Variants in RBKS observed in about 807,000 individuals in gnomAD.
RBKS encodes the protein ribokinase.
In RBKS, 33 loss-of-function variants were observed where a neutral mutation model predicts 33.9. The ratio of observed to expected loss-of-function variants is 0.97; its 90% CI spans 0.74 to 1.30. RBKS has a LOEUF of 1.30. RBKS is among the 50% of genes most tolerant of loss of function. The pLI, the probability that RBKS is intolerant of heterozygous loss-of-function variation, is 0.00. For missense variants in RBKS, 361 were observed against 392.6 expected, an observed-to-expected ratio of 0.92 and a Z score of 0.68; for synonymous variants, 125 against 143.0, an observed-to-expected ratio of 0.87 and a Z score of 0.90.
Position 27,832,680 on chromosome 2 carries a change from C to G in RBKS, c.606+6G>C. On this transcript the variant is annotated splice_donor_region_variant and intron_variant, in intron 6 of 7. Coordinates refer to ENST00000302188, the MANE Select transcript of RBKS (RefSeq NM_022128.3). ...TCATAGAATGAGCAAAGCAATTCACCCTTACCTCACTTTCATTGCAGCAGA... is the reference window on the plus strand; with the variant it reads ...TCATAGAATGAGCAAAGCAATTCACGCTTACCTCACTTTCATTGCAGCAGA... 1 of 1,599,042 alleles carries G rather than the reference C, an allele frequency of 6.3e-7. No individual in the cohort carries two copies. The highest frequency in any genetic ancestry group is 8.6e-7 in the Non-Finnish European group (1 of 1,166,490).
At chr2:27,886,186 A>C (rs1388128455) in intron 1 of RBKS, among the ~76,000 whole-genome samples, 6 of 152,254 alleles carry the variant, frequency 3.9e-5, no homozygotes, top group African/African-American at 1.4e-4. Flanking sequence ...ATTACTACAT[A>C]CGACTTACTA....
chr2:27,879,326 T>C (rs1467868233), intron 1 of RBKS, among the ~76,000 whole-genome samples: 1 of 152,188 alleles, frequency 6.6e-6, no homozygotes, highest in East Asian at 1.9e-4. Context: ...TGTTCCCTCC[T>C]AAACTCCTGT....
chr2:27,783,309 T>G (rs1677323754), intron 7 of RBKS, among the ~76,000 whole-genome samples: 2 of 152,166 alleles, frequency 1.3e-5, no homozygotes, highest in South Asian at 2.1e-4. Flanking sequence ...TCCCCCAAGA[T>G]GCTCCAGGGT....
intron 7 of RBKS, among the ~76,000 whole-genome samples, chr2:27,808,998 A>T (rs1193857084): frequency 6.6e-6 from 1 of 152,344 alleles, no homozygotes; most frequent in Non-Finnish European, 1.5e-5. Context: ...ATTTCTTGAT[A>T]ATTTAAAAGA....
chr2:27,823,500 G>A (rs1179482211), intron 7 of RBKS, among the ~76,000 whole-genome samples: 2 of 152,090 alleles, frequency 1.3e-5, no homozygotes, highest in Admixed American at 6.6e-5. Flanking sequence ...GTTACAAACC[G>A]ACTGAGAGCA....
intron 4 of RBKS, among the ~76,000 whole-genome samples, chr2:27,845,938 A>G (rs1663611604): frequency 6.6e-6 from 1 of 152,050 alleles, no homozygotes; most frequent in South Asian, 2.1e-4. Context: ...GGCAGAAATT[A>G]TGAAAACTTG....
At chr2:27,854,233 A>C (rs1378386343) in intron 2 of RBKS, among the ~76,000 whole-genome samples, 1 of 152,248 alleles carries the variant, frequency 6.6e-6, no homozygotes, top group Non-Finnish European at 1.5e-5. Flanking sequence ...CAACGGTTGT[A>C]AAGTTATTCT....
chr2:27,881,707 T>A (rs1196354457), intron 1 of RBKS, among the ~76,000 whole-genome samples: 1 of 152,034 alleles, frequency 6.6e-6, no homozygotes, highest in African/African-American at 2.4e-5. Flanking sequence ...ATGGTACTGG[T>A]ACAAAAACAG....
At chr2:27,791,472 C>T (rs186707701) in intron 7 of RBKS, among the ~76,000 whole-genome samples, 2 of 152,100 alleles carry the variant, frequency 1.3e-5, no homozygotes, top group East Asian at 1.9e-4. Flanking sequence ...ATGTTCTCCC[C>T]TCTCCCTCAG....
chr2:27,790,979 C>T (rs1317031626), intron 7 of RBKS, among the ~76,000 whole-genome samples: 1 of 152,172 alleles, frequency 6.6e-6, no homozygotes, highest in Non-Finnish European at 1.5e-5. Flanking sequence ...TGAATGTTTA[C>T]AGCAGCATTA....
chr2:27,781,877 T>A, intron 7 of RBKS, 89 bp from the exon 8 acceptor site: 1 of 1,179,852 alleles, frequency 8.5e-7, no homozygotes, highest in Non-Finnish European at 1.2e-6. Context: ...GTAAACTTAA[T>A]TTTAGTTTTA....
chr2:27,842,834 T>A (rs1310600809), intron 5 of RBKS, among the ~76,000 whole-genome samples: 1 of 152,114 alleles, frequency 6.6e-6, no homozygotes, highest in African/African-American at 2.4e-5. Flanking sequence ...TTCTGCCAGC[T>A]ACATTGAAGA....
intron 1 of RBKS, among the ~76,000 whole-genome samples, chr2:27,885,312 A>G (rs1246748897): frequency 6.6e-6 from 1 of 152,112 alleles, no homozygotes; most frequent in Non-Finnish European, 1.5e-5. Flanking sequence ...CTGCTTCTGT[A>G]TTTGCCTTCC....
intron 1 of RBKS, among the ~76,000 whole-genome samples, chr2:27,871,616 G>C (rs1368717014): frequency 6.6e-6 from 1 of 152,158 alleles, no homozygotes; most frequent in Non-Finnish European, 1.5e-5. Context: ...TGCAGTGTGA[G>C]AAAGAGGCAT....
At chr2:27,817,972 G>C (rs1261196466) in intron 7 of RBKS, among the ~76,000 whole-genome samples, 1 of 152,074 alleles carries the variant, frequency 6.6e-6, no homozygotes, top group Non-Finnish European at 1.5e-5. Flanking sequence ...ATTTGGGTGG[G>C]GACACAGAGC....
chr2:27,814,661 A>G (rs983286883), intron 7 of RBKS, among the ~76,000 whole-genome samples: 4 of 152,376 alleles, frequency 2.6e-5, no homozygotes, highest in Admixed American at 2.0e-4. Flanking sequence ...CACCTAGCAG[A>G]TGTCACTATA....
intron 1 of RBKS, among the ~76,000 whole-genome samples, chr2:27,877,784 C>A (rs944479312): frequency 1.3e-5 from 2 of 152,152 alleles, no homozygotes; most frequent in Non-Finnish European, 2.9e-5. Flanking sequence ...CTAAATATTT[C>A]TTTAAGCTTT....
At chr2:27,840,364 GCACACA>G (rs70953891) in intron 5 of RBKS, among the ~76,000 whole-genome samples, 1,738 of 130,118 alleles carry the variant, frequency 0.013, 23 homozygotes, top group Non-Finnish European at 0.019. Flanking sequence ...ACGCGCGCGC[GCACACA>G]CACACACACA....
rs1334117910 is a variant in RBKS, at chr2:27,800,115, C to T, written c.796-18327G>A. Reference sequence around the variant, plus strand: ...TCACCCAGGTTGGGTTACAGTGGCGCGATCACGGCTCACTGCAGCCTCAAC... The same window carrying T: ...TCACCCAGGTTGGGTTACAGTGGCGTGATCACGGCTCACTGCAGCCTCAAC... On this transcript the variant is annotated intron_variant, in intron 7 of 7. Transcript: ENST00000302188. Among the ~76,000 whole-genome samples, 5 of 145,414 alleles carry T rather than the reference C, an allele frequency of 3.4e-5. No individual in the cohort carries two copies. The East Asian group carries it at 6.2e-4, about 18-fold the overall frequency.
Sources: allele counts gnomAD v4.1 joint callset (sites outside exome capture counted in the v4.1 genomes callset), GRCh38; gene constraint gnomAD v4.1.1; transcripts MANE v1.5; gene names NCBI Gene and HGNC (gene_info 2026-07-23, HGNC 2026-07-21).